The following TMF1 variants were observed in gnomAD, a reference collection of about 807,000 sequenced individuals.
TMF1 encodes TATA element modulatory factor.
TMF1 carries 71 observed loss-of-function variants against 126.5 expected under a neutral mutation model. The observed-to-expected ratio is 0.56, with a 90% CI of 0.46 to 0.68. TMF1 has a LOEUF of 0.68. TMF1 is among the 30% of genes least tolerant of loss of function. TMF1 has a pLI of 0.00. For missense variants in TMF1, 1,259 were observed against 1,253.2 expected, an observed-to-expected ratio of 1.00 and a Z score of -0.07; for synonymous variants, 461 against 430.5, an observed-to-expected ratio of 1.07 and a Z score of -0.88.
intron 3 of TMF1, 105 bp from the exon 4 acceptor site, chr3:69,043,981 C>T: frequency 1.1e-6 from 1 of 887,874 alleles, no homozygotes; most frequent in Non-Finnish European, 1.6e-6. Flanking sequence ...TGACATATAC[C>T]TTATTAAAAT....
chr3:69,034,380 G>A (rs1311601876), intron 9 of TMF1, among the ~76,000 whole-genome samples: 1 of 152,094 alleles, frequency 6.6e-6, no homozygotes, highest in Non-Finnish European at 1.5e-5. Context: ...GGCTGAGGCA[G>A]GAGAATCGCT....
intron 13 of TMF1, among the ~76,000 whole-genome samples, chr3:69,027,667 T>C (rs1575808711): frequency 7.2e-6 from 1 of 139,374 alleles, no homozygotes; most frequent in East Asian, 2.1e-4. Context: ...ATACTAACAA[T>C]AGCTGATGAA....
chr3:69,052,235 C>A lies in TMF1; in HGVS notation c.-149G>T. 2.3e-6 allele frequency: 2 copies of A among 861,410 alleles called. No individual in the cohort carries two copies. Among genetic ancestry groups the A allele is most frequent in the East Asian group, 6.0e-5 (2 of 33,554 alleles). The allele number at this position is 861,410 out of a possible 1,614,324, so 53.4% of individuals were successfully genotyped here. ...CATTACCCCGACAGCCTCCCGCGAGCCCGGGATGTTACCCTCGGCCGTTCC... is the reference window on the plus strand; with the variant it reads ...CATTACCCCGACAGCCTCCCGCGAGACCGGGATGTTACCCTCGGCCGTTCC... On this transcript the variant is annotated 5_prime_UTR_variant, in exon 1 of 17. Coordinates refer to ENST00000398559, the MANE Select transcript of TMF1 (RefSeq NM_007114.3).
At chr3:69,025,761 T>C (rs1327447883) in intron 14 of TMF1, 49 bp from the exon 15 acceptor site, 3 of 1,571,318 alleles carry the variant, frequency 1.9e-6, no homozygotes, top group Non-Finnish European at 2.6e-6. Context: ...TCATAGCTTG[T>C]CTTCCATTAC....
intron 5 of TMF1, among the ~76,000 whole-genome samples, chr3:69,041,820 C>G (rs2091866552): frequency 6.6e-6 from 1 of 151,988 alleles, no homozygotes; most frequent in Non-Finnish European, 1.5e-5. Flanking sequence ...CATATACTTT[C>G]CTATAACTTC....
intron 4 of TMF1, among the ~76,000 whole-genome samples, chr3:69,043,394 T>G (rs988184907): frequency 3.3e-5 from 5 of 152,090 alleles, no homozygotes; most frequent in Admixed American, 1.3e-4. Context: ...GGTCTTGAAC[T>G]CCTGGGCTCA....
chr3:69,022,746 A>G lies in TMF1; in HGVS notation c.*431T>C, dbSNP rs977230503. On this transcript the variant is annotated 3_prime_UTR_variant, in exon 17 of 17. Coordinates refer to ENST00000398559, the MANE Select transcript of TMF1 (RefSeq NM_007114.3). The stretch of plus-strand genomic sequence containing the variant: ...GTAATTAAGATATGTTGAAATTTTA[A>G]ATGTGAAAGATTTCAAAGTTTCAGT... 1 of 152,548 alleles carries G rather than the reference A, an allele frequency of 6.6e-6. No individual in the cohort carries two copies. Among genetic ancestry groups the G allele is most frequent in the Admixed American group, 6.5e-5 (1 of 15,276 alleles). 9.4% of individuals were successfully genotyped at this position (152,548 alleles called of 1,614,324 possible).
intron 8 of TMF1, among the ~76,000 whole-genome samples, chr3:69,037,144 G>A (rs1266463669): frequency 1.3e-5 from 2 of 152,142 alleles, no homozygotes; most frequent in African/African-American, 2.4e-5. Flanking sequence ...CTCCCAAGAA[G>A]ATACATAAAT....
rs1264189503 is a variant in TMF1, at chr3:69,035,031, G to T, written c.2236C>A (p.Leu746Ile). ...EDYLRHEIGE[L>I]QQRLQEAENR... is the part of the protein sequence containing the mutation. ...GAAACCTGTGACAGTACCTGCTGAA[G>T]TTCACCGATCTCATGGCGTAAATAA... Residue 746 changes from leucine to isoleucine, a missense_variant, in exon 9 of 17, where the codon CTT becomes ATT. Transcript: ENST00000398559. The T allele has an allele frequency of 6.2e-7, 1 of 1,613,844 alleles. No homozygotes were observed. Among genetic ancestry groups the T allele is most frequent in the Non-Finnish European group, 8.5e-7 (1 of 1,179,864 alleles).
intron 15 of TMF1, 124 bp downstream of exon 15, chr3:69,025,436 C>T (rs1317681807): frequency 7.5e-6 from 7 of 929,044 alleles, no homozygotes; most frequent in Non-Finnish European, 1.1e-5. Flanking sequence ...ACATTTTGGG[C>T]TTCACATGCC....
intron 2 of TMF1, among the ~76,000 whole-genome samples, chr3:69,046,900 T>G (rs2091898609): frequency 6.6e-6 from 1 of 152,202 alleles, no homozygotes; most frequent in Admixed American, 6.5e-5. Flanking sequence ...ATTAAAATCT[T>G]AAATTATCAT....
intron 1 of TMF1, among the ~76,000 whole-genome samples, chr3:69,050,561 T>C (rs903824032): frequency 6.6e-6 from 1 of 152,220 alleles, no homozygotes; most frequent in Admixed American, 6.5e-5. Context: ...TTCTGAAGAC[T>C]ATGGGCATTT....
Position 69,038,550 on chromosome 3 carries a change from C to T in TMF1, c.2151+14G>A. On this transcript the variant is annotated intron_variant, in intron 8 of 16. Transcript: ENST00000398559. ...TATTTTTAAAACTACTCTAATTCAT[C>T]ATCCATTGCTTACTTGAATGGCTAA... The T allele has an allele frequency of 6.2e-7, 1 of 1,605,236 alleles. No individual in the cohort carries two copies. Among genetic ancestry groups the T allele is most frequent in the Non-Finnish European group, 8.5e-7 (1 of 1,176,778 alleles).
In TMF1 at chr3:69,029,918, T is replaced by C. The variant is rs758764531; in HGVS notation, c.2491A>G (p.Met831Val). 16 of 1,614,038 alleles carry C rather than the reference T, an allele frequency of 9.9e-6. No individual in the cohort carries two copies. Among genetic ancestry groups the C allele is most frequent in the Middle Eastern group, 1.6e-4 (1 of 6,082 alleles). The change falls in exon 11 of 17, where the codon ATG (methionine) becomes GTG (valine). Residue 831 changes from methionine (M) to valine (V), a missense_variant. Coordinates refer to ENST00000398559, the MANE Select transcript of TMF1 (RefSeq NM_007114.3). ...CTTAAAAGAGAATTCTGTGACTCCA[T>C]GGAAGACATCTGAATTTTGTTAGCA... is the stretch of plus-strand genomic sequence containing the variant. ...LLANKIQMSS[M>V]ESQNSLLRQE...
intron 9 of TMF1, chr3:69,033,943 A>G (rs1260516140): frequency 3.2e-6 from 1 of 312,210 alleles, no homozygotes; most frequent in Non-Finnish European, 5.9e-6. Context: ...CGATCCTCCC[A>G]GCTGGGACTA....
At chr3:69,046,156 T>A (rs1206536424) in intron 2 of TMF1, among the ~76,000 whole-genome samples, 2 of 152,140 alleles carry the variant, frequency 1.3e-5, no homozygotes, top group African/African-American at 4.8e-5. Flanking sequence ...AGAAAACCCA[T>A]AAGAATTTTT....
Position 69,048,256 on chromosome 3 carries a change from G to A in TMF1, c.449C>T (p.Ser150Leu). The change falls in exon 2 of 17, where the codon TCA becomes TTA. Residue 150 changes from serine (S) to leucine (L), a missense_variant. Transcript: ENST00000398559. ...ACACAAAGAAGAGTCTTTTACTTGTGATTCAGTTGTTTCAGGAGTTCTTGA... is the reference window on the plus strand; with the variant it reads ...ACACAAAGAAGAGTCTTTTACTTGTAATTCAGTTGTTTCAGGAGTTCTTGA... ...GQSRTPETTE[S>L]QVKDSSLCVS... 4.3e-6 allele frequency: 7 copies of A among 1,614,190 alleles called. No homozygotes were observed. The highest frequency in any genetic ancestry group is 5.9e-6 in the Non-Finnish European group (7 of 1,180,036).
rs1252654823 is a variant in TMF1 at position 69,047,349 on chromosome 3, TAG to T, written c.1347+7_1347+8del. The T allele has an allele frequency of 8.3e-6, 13 of 1,561,268 alleles. No individual in the cohort carries two copies. Among genetic ancestry groups the T allele is most frequent in the South Asian group, 2.4e-5 (2 of 83,480 alleles). ...ACATCTAAAAATCCCTTCCACTTAC[TAG>T]AGTTACCTTGCAAACATCTTCCTTC... is the stretch of plus-strand genomic sequence containing the variant. On this transcript the variant is annotated splice_region_variant and intron_variant, in intron 2 of 16. Transcript: ENST00000398559.
Position 69,036,099 on chromosome 3 carries a change from T to G in TMF1, c.2152-984A>C, listed in dbSNP as rs987776363. On this transcript the variant is annotated intron_variant, in intron 8 of 16. Transcript: ENST00000398559. Reference sequence around the variant, plus strand: ...AACCCAAATATCCATCAATAAGAAATAGCTGAAAATACTTCACCTAATAAA... The same window carrying G: ...AACCCAAATATCCATCAATAAGAAAGAGCTGAAAATACTTCACCTAATAAA... Among the ~76,000 whole-genome samples the G allele has an allele frequency of 2.2e-4, 34 of 152,136 alleles. 1 individual carries two copies. Among genetic ancestry groups the G allele is most frequent in the Admixed American group, 3.3e-4 (5 of 15,278 alleles).
Sources: gnomAD v4.1 joint callset for allele counts (sites outside exome capture counted in the v4.1 genomes callset) on GRCh38, gnomAD v4.1.1 for gene constraint, MANE v1.5 for transcripts, NCBI Gene and HGNC (gene_info 2026-07-23, HGNC 2026-07-21) for gene names.